Variants in IMMP2L observed in about 807,000 individuals in gnomAD.
IMMP2L encodes mitochondrial inner membrane protease subunit 2.
IMMP2L carries 18 observed loss-of-function variants against 19.3 expected under a neutral mutation model. The ratio of observed to expected loss-of-function variants is 0.93; its 90% CI spans 0.64 to 1.38. The LOEUF is 1.38. IMMP2L is among the 40% of genes most tolerant of loss of function. IMMP2L has a pLI of 0.00. For missense variants in IMMP2L, 233 were observed against 218.2 expected, an observed-to-expected ratio of 1.07 and a Z score of -0.43; for synonymous variants, 76 against 73.0, an observed-to-expected ratio of 1.04 and a Z score of -0.21.
At chr7:110,978,660 A>T (rs17158210) in intron 3 of IMMP2L, among the ~76,000 whole-genome samples, 4,674 of 152,128 alleles carry the variant, frequency 0.031, 95 homozygotes, top group Non-Finnish European at 0.047. Flanking sequence ...TTAATTGCTT[A>T]AAAAAATCCT....
At chr7:111,188,680 T>A (rs943545652) in intron 3 of IMMP2L, among the ~76,000 whole-genome samples, 1 of 152,092 alleles carries the variant, frequency 6.6e-6, no homozygotes, top group Non-Finnish European at 1.5e-5. Context: ...GGAGTTAATT[T>A]CTTGTACTTG....
At chr7:110,946,082 C>A (rs553317684) in intron 4 of IMMP2L, among the ~76,000 whole-genome samples, 1 of 152,256 alleles carries the variant, frequency 6.6e-6, no homozygotes, top group East Asian at 1.9e-4. Flanking sequence ...AGGCCAAATA[C>A]GAAAACAGGT....
intron 3 of IMMP2L, among the ~76,000 whole-genome samples, chr7:111,162,875 C>G (rs776393821): frequency 3.9e-5 from 6 of 152,136 alleles, no homozygotes; most frequent in South Asian, 2.1e-4. Flanking sequence ...TGAACAAACA[C>G]TAACATAGTT....
chr7:110,982,574 T>C (rs1821414725), intron 3 of IMMP2L, among the ~76,000 whole-genome samples: 1 of 152,028 alleles, frequency 6.6e-6, no homozygotes, highest in Non-Finnish European at 1.5e-5. Flanking sequence ...TGAAGCAAAT[T>C]GGTAGGCATT....
At chr7:110,733,180 CT>C (rs1796386767) in intron 5 of IMMP2L, among the ~76,000 whole-genome samples, 1 of 152,158 alleles carries the variant, frequency 6.6e-6, no homozygotes, top group African/African-American at 2.4e-5. Flanking sequence ...CATAGTTATG[CT>C]GTCTGGTGCT....
chr7:110,849,465 A>G (rs1390778705), intron 5 of IMMP2L, among the ~76,000 whole-genome samples: 1 of 152,152 alleles, frequency 6.6e-6, no homozygotes, highest in Non-Finnish European at 1.5e-5. Flanking sequence ...ATATAAATCA[A>G]TTTGAAAAAT....
chr7:110,913,416 C>A (rs1313242085), intron 4 of IMMP2L, among the ~76,000 whole-genome samples: 1 of 151,502 alleles, frequency 6.6e-6, no homozygotes, highest in Non-Finnish European at 1.5e-5. Flanking sequence ...AAAGGGGTTA[C>A]CATCTAAAAC....
intron 3 of IMMP2L, among the ~76,000 whole-genome samples, chr7:111,092,024 G>T (rs1796925095): frequency 1.3e-5 from 2 of 152,190 alleles, no homozygotes; most frequent in South Asian, 4.1e-4. Context: ...GTCTCATCCA[G>T]TGGATGCAAA....
intron 4 of IMMP2L, among the ~76,000 whole-genome samples, chr7:110,910,120 CACA>C (rs1326908929): frequency 6.6e-6 from 1 of 152,110 alleles, no homozygotes; most frequent in African/African-American, 2.4e-5. Flanking sequence ...GGCATGAAAA[CACA>C]GTATACAGGA....
chr7:111,018,467 T>C (rs1825925713), intron 3 of IMMP2L, among the ~76,000 whole-genome samples: 1 of 152,206 alleles, frequency 6.6e-6, no homozygotes, highest in South Asian at 2.1e-4. Context: ...ATTTTCCTTG[T>C]TCAAACTAGA....
intron 3 of IMMP2L, among the ~76,000 whole-genome samples, chr7:110,965,274 T>C (rs938637967): frequency 6.6e-6 from 1 of 151,994 alleles, no homozygotes; most frequent in African/African-American, 2.4e-5. Flanking sequence ...ACATTTTGAA[T>C]TGAAGTACTT....
intron 3 of IMMP2L, among the ~76,000 whole-genome samples, chr7:111,413,878 C>A (rs1224247877): frequency 6.6e-6 from 1 of 151,626 alleles, no homozygotes. Flanking sequence ...TTTCTGCTTC[C>A]GATATGCTTT....
intron 3 of IMMP2L, among the ~76,000 whole-genome samples, chr7:110,981,260 GAAAAT>G (rs1821265660): frequency 1.3e-5 from 2 of 151,390 alleles, no homozygotes; most frequent in South Asian, 4.2e-4. Flanking sequence ...ACAATTATCT[GAAAAT>G]AAAAAAAGAA....
chr7:111,075,572 G>GT lies in IMMP2L; in HGVS notation c.240-112008dup, dbSNP rs765715489. On this transcript the variant is annotated intron_variant, in intron 3 of 5. Transcript: ENST00000405709. ...CAGTCCCTCCTTTCTTCTTGAGAATGTTTTTTCTCTGAGCCTCCATAACAC... is the reference window on the plus strand; with the variant it reads ...CAGTCCCTCCTTTCTTCTTGAGAATGTTTTTTTCTCTGAGCCTCCATAACAC... Among the ~76,000 whole-genome samples, 19 of 152,282 alleles carry GT rather than the reference G, an allele frequency of 1.2e-4. No individual in the cohort carries two copies. The East Asian group carries it at 2.5e-3, about 20-fold the overall frequency.
intron 5 of IMMP2L, among the ~76,000 whole-genome samples, chr7:110,854,112 G>C (rs942012506): frequency 2.0e-5 from 3 of 151,780 alleles, no homozygotes; most frequent in African/African-American, 4.8e-5. Flanking sequence ...GTGTTAATTA[G>C]GTAGGTACAC....
chr7:111,411,632 G>A, intron 3 of IMMP2L: 2 of 277,348 alleles, frequency 7.2e-6, no homozygotes, highest in Non-Finnish European at 1.4e-5. Context: ...AATCAACCCT[G>A]AGTGTAAATC....
chr7:111,062,463 G>GC (rs1012626079), intron 3 of IMMP2L, among the ~76,000 whole-genome samples: 4 of 152,034 alleles, frequency 2.6e-5, no homozygotes, highest in Non-Finnish European at 5.9e-5. Flanking sequence ...GTATTGTTCT[G>GC]CCCCTACCCC....
At chr7:111,124,614 G>T (rs1384408770) in intron 3 of IMMP2L, 1 of 1,613,838 alleles carries the variant, frequency 6.2e-7, no homozygotes, top group Non-Finnish European at 8.5e-7. Flanking sequence ...CCAAAGGTTT[G>T]CACCCTGATC....
intron 2 of IMMP2L, among the ~76,000 whole-genome samples, chr7:111,513,219 A>T (rs754018280): frequency 5.3e-5 from 8 of 152,124 alleles, no homozygotes; most frequent in African/African-American, 9.7e-5. Flanking sequence ...CCATATATCT[A>T]ATAAGGGGTT....
Sources: gnomAD v4.1 joint callset for allele counts (sites outside exome capture counted in the v4.1 genomes callset) on GRCh38, gnomAD v4.1.1 for gene constraint, MANE v1.5 for transcripts, NCBI Gene and HGNC (gene_info 2026-07-23, HGNC 2026-07-21) for gene names.